The following FAM110B variants were observed in gnomAD, a reference collection of about 807,000 sequenced individuals.
The protein encoded by FAM110B is protein FAM110B.
In FAM110B, 6 loss-of-function variants were observed where a neutral mutation model predicts 20.4. The ratio of observed to expected loss-of-function variants is 0.29; its 90% CI spans 0.16 to 0.58. FAM110B has a LOEUF of 0.58. FAM110B is among the 20% of genes least tolerant of loss of function. The probability of loss-of-function intolerance (pLI) is 0.90; values close to 1 mark genes in which losing one functional copy is unlikely to be tolerated. For missense variants in FAM110B, 434 were observed against 498.2 expected, an observed-to-expected ratio of 0.87 and a Z score of 1.23; for synonymous variants, 226 against 214.1, an observed-to-expected ratio of 1.06 and a Z score of -0.49.
At chr8:58,028,866 C>A (rs1049748089) in intron 1 of FAM110B, among the ~76,000 whole-genome samples, 1 of 152,166 alleles carries the variant, frequency 6.6e-6, no homozygotes, top group Non-Finnish European at 1.5e-5. Context: ...CCCAGGAAAA[C>A]CGCATGTGGA....
chr8:57,996,031 G>T (rs563463991), intron 1 of FAM110B, among the ~76,000 whole-genome samples: 2 of 152,176 alleles, frequency 1.3e-5, no homozygotes, highest in African/African-American at 4.8e-5. Flanking sequence ...GTGATTTCTG[G>T]GAAGATACTT....
intron 2 of FAM110B, among the ~76,000 whole-genome samples, chr8:58,044,955 A>C (rs1272714321): frequency 6.6e-6 from 1 of 152,242 alleles, no homozygotes; most frequent in Non-Finnish European, 1.5e-5. Context: ...TTAGGAAATA[A>C]TGAGTTAACT....
intron 3 of FAM110B, among the ~76,000 whole-genome samples, chr8:58,118,456 C>T (rs1054128313): frequency 6.6e-5 from 10 of 152,246 alleles, no homozygotes; most frequent in Middle Eastern, 6.8e-3. Context: ...ACCAAATTTC[C>T]GGTTGGGTCT....
At chr8:58,131,148 A>G (rs779412796) in intron 3 of FAM110B, among the ~76,000 whole-genome samples, 6 of 152,182 alleles carry the variant, frequency 3.9e-5, no homozygotes, top group Non-Finnish European at 8.8e-5. Context: ...CCTGACACCT[A>G]TAAGTCATTA....
intron 2 of FAM110B, among the ~76,000 whole-genome samples, chr8:58,069,092 A>G (rs1191098467): frequency 6.6e-6 from 1 of 152,226 alleles, no homozygotes; most frequent in East Asian, 1.9e-4. Context: ...GTGAATACCA[A>G]TAATGGTTCT....
At position 58,105,183 on chromosome 8, in the gene FAM110B, C is replaced by T. The variant is rs370984643; in HGVS notation, c.-325+29560C>T. 2.0e-5 allele frequency among the ~76,000 whole-genome samples: 3 copies of T among 151,936 alleles called. No homozygotes were observed. The East Asian group carries it at 5.8e-4, about 29-fold the overall frequency. On this transcript the variant is annotated intron_variant, in intron 3 of 3. Transcript: ENST00000519262. ...GAAATTGCTTTGGGCTCCATGTTAC[C>T]TAAGGTTTGAGAACAAGCTCTGAAG...
intron 1 of FAM110B, among the ~76,000 whole-genome samples, chr8:58,001,856 T>C (rs1156323683): frequency 6.6e-6 from 1 of 152,104 alleles, no homozygotes; most frequent in East Asian, 1.9e-4. Flanking sequence ...CAATAGAATA[T>C]ACATAGAAAA....
At chr8:58,133,209 T>TTG (rs1554527332) in intron 3 of FAM110B, among the ~76,000 whole-genome samples, 4 of 152,028 alleles carry the variant, frequency 2.6e-5, no homozygotes, top group African/African-American at 9.7e-5. Context: ...GATTTTGTTT[T>TTG]TTTTTTTTTT....
chr8:58,012,589 T>C (rs1804560397), intron 1 of FAM110B, among the ~76,000 whole-genome samples: 1 of 152,156 alleles, frequency 6.6e-6, no homozygotes, highest in Non-Finnish European at 1.5e-5. Context: ...CAAGGGGATT[T>C]GGTGCTGGTT....
At chr8:58,059,922 G>A (rs1236441483) in intron 2 of FAM110B, among the ~76,000 whole-genome samples, 4 of 152,026 alleles carry the variant, frequency 2.6e-5, no homozygotes, top group African/African-American at 9.7e-5. Context: ...TTGGTGTGAG[G>A]TAAGGGTCAG....
chr8:58,036,012 G>C (rs559930465), intron 2 of FAM110B, among the ~76,000 whole-genome samples: 13 of 152,264 alleles, frequency 8.5e-5, no homozygotes, highest in African/African-American at 2.9e-4. Flanking sequence ...CTATGGAGGA[G>C]GTCCTGATGT....
chr8:58,046,255 T>C (rs1366839587), intron 2 of FAM110B, among the ~76,000 whole-genome samples: 1 of 152,214 alleles, frequency 6.6e-6, no homozygotes, highest in African/African-American at 2.4e-5. Context: ...TGCAATTAAA[T>C]TGTCAAAACC....
intron 2 of FAM110B, among the ~76,000 whole-genome samples, chr8:58,057,079 A>G (rs958558327): frequency 5.9e-5 from 9 of 152,170 alleles, no homozygotes; most frequent in Non-Finnish European, 1.2e-4. Flanking sequence ...TGTAATTACC[A>G]CTTGATTTAT....
At chr8:58,041,455 G>A (rs4498527) in intron 2 of FAM110B, among the ~76,000 whole-genome samples, 29,405 of 152,024 alleles carry the variant, frequency 0.19, 4,047 homozygotes, top group African/African-American at 0.38. Context: ...CTCATTAATT[G>A]ATTGATGGTG....
chr8:58,010,183 GT>G (rs34438201), intron 1 of FAM110B, among the ~76,000 whole-genome samples: 1,784 of 140,596 alleles, frequency 0.013, 22 homozygotes, highest in African/African-American at 0.036. Context: ...CGCCCTGCTA[GT>G]TTTTTTTTTT....
rs116785770 is a variant in FAM110B, at chr8:58,129,893, C to G, written c.-324-16014C>G. 3.5e-3 allele frequency among the ~76,000 whole-genome samples: 531 copies of G among 152,034 alleles called. 5 individuals carry two copies. Among genetic ancestry groups the G allele is most frequent in the African/African-American group, 0.012 (512 of 41,442 alleles). On this transcript the variant is annotated intron_variant, in intron 3 of 3. Coordinates refer to ENST00000519262, the MANE Select transcript of FAM110B (RefSeq NM_001377989.1). ...ATTTAATCTACTTATCAAAAACATT[C>G]TTGTCACTTTCTTAATATATTGCAA...
intron 3 of FAM110B, among the ~76,000 whole-genome samples, chr8:58,119,381 G>T (rs905276767): frequency 6.6e-5 from 10 of 152,166 alleles, no homozygotes; most frequent in Non-Finnish European, 1.3e-4. Context: ...CATGGGGGAA[G>T]GGACAGGCAC....
At chr8:58,089,197 C>T (rs1310045153) in intron 3 of FAM110B, among the ~76,000 whole-genome samples, 1 of 152,230 alleles carries the variant, frequency 6.6e-6, no homozygotes, top group Non-Finnish European at 1.5e-5. Context: ...TATTTCTTCA[C>T]TTGAAGGTCA....
chr8:58,081,438 C>T (rs762819695), intron 3 of FAM110B, among the ~76,000 whole-genome samples: 2 of 152,172 alleles, frequency 1.3e-5, no homozygotes, highest in Non-Finnish European at 2.9e-5. Context: ...AACTCCTGAC[C>T]TCAAGTGATC....
Sources: gnomAD v4.1 joint callset for allele counts (sites outside exome capture counted in the v4.1 genomes callset) on GRCh38, gnomAD v4.1.1 for gene constraint, MANE v1.5 for transcripts, NCBI Gene and HGNC (gene_info 2026-07-23, HGNC 2026-07-21) for gene names.